KNTC1: variants seen among roughly 807,000 people sequenced by gnomAD.
KNTC1 encodes kinetochore-associated protein 1.
In KNTC1, 253 loss-of-function variants were observed where a neutral mutation model predicts 314.4. The observed-to-expected ratio is 0.80, with a 90% CI of 0.73 to 0.89. The LOEUF (loss-of-function observed/expected upper bound fraction) is 0.89, where lower values mean the gene tolerates loss of function less well. KNTC1 is among the 40% of genes least tolerant of loss of function. The probability of loss-of-function intolerance (pLI) is 0.00; values close to 1 mark genes in which losing one functional copy is unlikely to be tolerated. For synonymous variants in KNTC1, 901 were observed against 901.4 expected, an observed-to-expected ratio of 1.00 and a Z score of 0.01; for missense variants, 2,475 against 2,572.9, an observed-to-expected ratio of 0.96 and a Z score of 0.82.
intron 51 of KNTC1, among the ~76,000 whole-genome samples, chr12:122,606,310 G>A (rs1219358236): frequency 6.9e-6 from 1 of 143,916 alleles, no homozygotes; most frequent in Non-Finnish European, 1.5e-5. Flanking sequence ...AACCTCTGCC[G>A]AGGTTCAAGA....
At chr12:122,543,193 A>G (rs1482579177) in intron 6 of KNTC1, among the ~76,000 whole-genome samples, 1 of 152,216 alleles carries the variant, frequency 6.6e-6, no homozygotes, top group East Asian at 1.9e-4. Context: ...GATTGTAGGC[A>G]TGAGCCACTG....
chr12:122,586,967 A>G (rs1869431260), intron 38 of KNTC1, among the ~76,000 whole-genome samples: 1 of 152,118 alleles, frequency 6.6e-6, no homozygotes, highest in Non-Finnish European at 1.5e-5. Context: ...GGCGTGTGCC[A>G]CCACGCCGAG....
In KNTC1 at chr12:122,597,785, C is replaced by G. The variant is rs1391124481; in HGVS notation, c.4410C>G (p.Leu1470=). The G allele has an allele frequency of 6.2e-7, 1 of 1,614,004 alleles. No individual in the cohort carries two copies. The highest frequency in any genetic ancestry group is 2.2e-5 in the East Asian group (1 of 44,880). ...TTCAGCTCTTCATTGAAACGCTGCT[C>G]CACAACACAAATGCCGGCCAAGGCC... ...AVLQLFIETL[L]HNTNAGQGQG... is the part of the protein sequence containing the mutation. The change falls in exon 44 of 64, where the codon CTC becomes CTG. Residue 1470 remains leucine, a synonymous_variant. Transcript: ENST00000333479.
chr12:122,554,459 A>G (rs1403898342), intron 16 of KNTC1, among the ~76,000 whole-genome samples: 2 of 152,162 alleles, frequency 1.3e-5, no homozygotes, highest in Non-Finnish European at 2.9e-5. Context: ...ACTAAATACA[A>G]GAATAATGTA....
chr12:122,556,141 C>T (rs1030631295), intron 16 of KNTC1, among the ~76,000 whole-genome samples: 4 of 151,846 alleles, frequency 2.6e-5, no homozygotes, highest in Non-Finnish European at 4.4e-5. Context: ...CTCAGCCTCT[C>T]GAGTAGCTAG....
chr12:122,577,847 A>G (rs1235958427), intron 31 of KNTC1, 56 bp downstream of exon 31: 1 of 1,489,212 alleles, frequency 6.7e-7, no homozygotes, highest in Non-Finnish European at 9.2e-7. Context: ...GCTATTAATC[A>G]ATAGGATAGA....
chr12:122,531,980 G>A (rs989561234), intron 2 of KNTC1, among the ~76,000 whole-genome samples: 5 of 151,176 alleles, frequency 3.3e-5, no homozygotes, highest in African/African-American at 1.2e-4. Flanking sequence ...TGATCCGCCC[G>A]GCTCGGCCTC....
chr12:122,589,236 T>A (rs1424283871), intron 40 of KNTC1, among the ~76,000 whole-genome samples: 1 of 151,996 alleles, frequency 6.6e-6, no homozygotes, highest in East Asian at 1.9e-4. Context: ...CTGTAGTTAT[T>A]TATTTTACAG....
At chr12:122,579,849 C>A in intron 31 of KNTC1, 56 bp from the exon 32 acceptor site, 2 of 1,191,194 alleles carry the variant, frequency 1.7e-6, no homozygotes, top group Non-Finnish European at 2.4e-6. Context: ...ATATGTACTA[C>A]TGAAGTGGTC....
intron 62 of KNTC1, 48 bp downstream of exon 62, chr12:122,622,655 T>G: frequency 1.4e-6 from 2 of 1,439,334 alleles, no homozygotes; most frequent in Non-Finnish European, 1.9e-6. Context: ...TTCCTTAAAA[T>G]CTATCTTTAT....
intron 16 of KNTC1, among the ~76,000 whole-genome samples, chr12:122,552,390 T>C (rs929829616): frequency 5.3e-5 from 8 of 152,018 alleles, no homozygotes; most frequent in African/African-American, 1.9e-4. Context: ...GATGCAGAAG[T>C]AGGGGCCTCT....
At chr12:122,586,791 A>G (rs373566746) in intron 38 of KNTC1, 34 bp downstream of exon 38, 3 of 774,874 alleles carry the variant, frequency 3.9e-6, no homozygotes, top group African/African-American at 3.7e-5. Context: ...GCATTCTATT[A>G]ATATTTATTT....
In KNTC1 at chr12:122,615,060, T is replaced by C. The variant is rs763015631; in HGVS notation, c.5947T>C (p.Leu1983=). 2.5e-6 allele frequency: 4 copies of C among 1,613,016 alleles called. No homozygotes were observed. Among genetic ancestry groups the C allele is most frequent in the Non-Finnish European group, 3.4e-6 (4 of 1,179,306 alleles). Residue 1983 remains leucine, a synonymous_variant, in exon 56 of 64, where the codon TTG becomes CTG. Transcript: ENST00000333479. ...TGACCTGCAGCTTTGGAATGGACTC[T>C]TGCAAAAGCTTCTGGGCTTCAATAT... is the stretch of plus-strand genomic sequence containing the variant. ...IYDLQLWNGL[L]QKLLGFNMIP...
chr12:122,572,995 G>T lies in KNTC1; in HGVS notation c.2078G>T (p.Arg693Leu), dbSNP rs772245787. ...CTAAGGACTTTGGTAAATAACTTGC[G>T]AGAGTTGATCACGTTGCATAGGAAG... is the stretch of plus-strand genomic sequence containing the variant. Reference protein sequence around the residue: ...CQLRTLVNNLRELITLHRKYN... With the variant: ...CQLRTLVNNLLELITLHRKYN... Residue 693 changes from arginine to leucine, a missense_variant, in exon 25 of 64, where the codon CGA (arginine) becomes CTA (leucine). Coordinates refer to ENST00000333479, the MANE Select transcript of KNTC1 (RefSeq NM_014708.6). The T allele has an allele frequency of 1.2e-6, 2 of 1,609,148 alleles. No individual in the cohort carries two copies.
intron 44 of KNTC1, among the ~76,000 whole-genome samples, chr12:122,601,307 G>C (rs539249207): frequency 6.6e-6 from 1 of 150,834 alleles, no homozygotes; most frequent in African/African-American, 2.4e-5. Flanking sequence ...GGATGGTCTC[G>C]ATCTCCTGAC....
chr12:122,622,173 A>C (rs1176320305), intron 61 of KNTC1, among the ~76,000 whole-genome samples: 1 of 152,186 alleles, frequency 6.6e-6, no homozygotes, highest in Non-Finnish European at 1.5e-5. Context: ...ACTCCATGGA[A>C]AATTTGTAGC....
intron 34 of KNTC1, 54 bp downstream of exon 34, chr12:122,583,039 C>A: frequency 6.6e-7 from 1 of 1,519,388 alleles, no homozygotes; most frequent in Non-Finnish European, 8.9e-7. Flanking sequence ...CGGCTGGGCA[C>A]GGTAACTCAT....
At chr12:122,530,558 C>T (rs1015845850) in intron 2 of KNTC1, among the ~76,000 whole-genome samples, 1 of 150,790 alleles carries the variant, frequency 6.6e-6, no homozygotes, top group Non-Finnish European at 1.5e-5. Context: ...TCAAGTGATT[C>T]TCGTGCCTCA....
chr12:122,604,032 T>A (rs1196126578), intron 48 of KNTC1, among the ~76,000 whole-genome samples: 1 of 152,134 alleles, frequency 6.6e-6, no homozygotes, highest in Non-Finnish European at 1.5e-5. Flanking sequence ...AGAATATGTA[T>A]GGTATTACCC....
Sources: gnomAD v4.1 joint callset for allele counts (sites outside exome capture counted in the v4.1 genomes callset) on GRCh38, gnomAD v4.1.1 for gene constraint, MANE v1.5 for transcripts, NCBI Gene and HGNC (gene_info 2026-07-23, HGNC 2026-07-21) for gene names.